SNX32: variants seen among roughly 807,000 people sequenced by gnomAD.
The protein encoded by SNX32 is sorting nexin 32.
A neutral mutation model predicts 57.0 loss-of-function variants in SNX32; 58 were observed. The observed-to-expected ratio is 1.02, with a 90% CI of 0.82 to 1.27. The LOEUF is 1.27. Ranked by LOEUF, SNX32 falls within the 50% of genes most tolerant of loss-of-function variation. SNX32 has a pLI of 0.00. For synonymous variants in SNX32, 262 were observed against 220.4 expected, an observed-to-expected ratio of 1.19 and a Z score of -1.67; for missense variants, 589 against 541.2, an observed-to-expected ratio of 1.09 and a Z score of -0.88.
chr11:65,838,365 G>T (rs934325040), intron 1 of SNX32, among the ~76,000 whole-genome samples: 2 of 152,048 alleles, frequency 1.3e-5, no homozygotes, highest in Admixed American at 1.3e-4. Flanking sequence ...AGGAGTAATA[G>T]GCAAACCTAC....
At chr11:65,838,943 C>T (rs1256461784) in intron 1 of SNX32, among the ~76,000 whole-genome samples, 1 of 151,752 alleles carries the variant, frequency 6.6e-6, no homozygotes, top group African/African-American at 2.4e-5. Context: ...CATATCGAAA[C>T]TCATAAGATA....
chr11:65,834,516 G>T (rs1858600779), intron 1 of SNX32, among the ~76,000 whole-genome samples: 1 of 149,932 alleles, frequency 6.7e-6, no homozygotes, highest in Non-Finnish European at 1.5e-5. Flanking sequence ...GCATGTCTGT[G>T]TCTGTCTCTG....
chr11:65,846,023 G>C (rs560764001), intron 1 of SNX32, among the ~76,000 whole-genome samples: 1 of 152,108 alleles, frequency 6.6e-6, no homozygotes, highest in South Asian at 2.1e-4. Flanking sequence ...TGTAATCCCA[G>C]TTCTATGGGA....
At chr11:65,849,140 A>G (rs1381122082) in intron 1 of SNX32, among the ~76,000 whole-genome samples, 3 of 152,088 alleles carry the variant, frequency 2.0e-5, no homozygotes, top group Non-Finnish European at 4.4e-5. Context: ...GACTCCGTCT[A>G]AAAAAACAAA....
intron 1 of SNX32, among the ~76,000 whole-genome samples, chr11:65,843,600 A>C (rs957777087): frequency 2.6e-5 from 4 of 152,220 alleles, no homozygotes; most frequent in African/African-American, 9.6e-5. Context: ...AAAATGGATT[A>C]TAGATACAAC....
chr11:65,845,923 G>C (rs992624413), intron 1 of SNX32, among the ~76,000 whole-genome samples: 4 of 152,116 alleles, frequency 2.6e-5, no homozygotes, highest in Non-Finnish European at 4.4e-5. Context: ...TAAAGAACAG[G>C]GGCACAAAAG....
chr11:65,853,333 T>A lies in SNX32; in HGVS notation c.1210T>A (p.Ter404LysextTer9). The A allele has an allele frequency of 6.2e-7, 1 of 1,613,992 alleles. No individual in the cohort carries two copies. The highest frequency in any genetic ancestry group is 8.5e-7 in the Non-Finnish European group (1 of 1,179,960). The change falls in exon 13 of 13, where the codon TAG (stop) becomes AAG (lysine). Residue 404 changes from the stop codon to lysine (K), a stop_lost. Coordinates refer to ENST00000308342, the MANE Select transcript of SNX32 (RefSeq NM_152760.3). ...NTLVALKGEP[*>K] The stretch of plus-strand genomic sequence containing the variant: ...CCTTGTTGCCCTAAAGGGGGAGCCT[T>A]AGAGTAGCCAGAGCTCAGCCAGACC...
chr11:65,840,378 C>T (rs1858808900), intron 1 of SNX32, among the ~76,000 whole-genome samples: 1 of 152,090 alleles, frequency 6.6e-6, no homozygotes, highest in Non-Finnish European at 1.5e-5. Context: ...GTCATCATAT[C>T]ATCACTTCCA....
In SNX32 at chr11:65,851,362, G is replaced by A. The variant is rs752878101; in HGVS notation, c.744G>A (p.Ala248=). ...LADDYIPISA[A]LSSLGTQEVN... is the part of the protein sequence containing the mutation. ...ACGATTATATCCCTATCTCAGCTGC[G>A]CTGAGCAGTCTGGGAACACAGGAAG... is the stretch of plus-strand genomic sequence containing the variant. Residue 248 remains alanine, a synonymous_variant, in exon 8 of 13, where the codon GCG becomes GCA. Coordinates refer to ENST00000308342, the MANE Select transcript of SNX32 (RefSeq NM_152760.3). 19 of 1,614,030 alleles carry A rather than the reference G, an allele frequency of 1.2e-5. No individual in the cohort carries two copies. The highest frequency in any genetic ancestry group is 1.6e-4 in the Middle Eastern group (1 of 6,084).
intron 1 of SNX32, among the ~76,000 whole-genome samples, chr11:65,843,751 T>C (rs1056290338): frequency 1.1e-4 from 17 of 152,138 alleles, no homozygotes; most frequent in East Asian, 7.7e-4. Flanking sequence ...CTTGTAACAT[T>C]TGAACCATTA....
chr11:65,840,450 T>G (rs1231704711), intron 1 of SNX32, among the ~76,000 whole-genome samples: 1 of 151,872 alleles, frequency 6.6e-6, no homozygotes, highest in Non-Finnish European at 1.5e-5. Context: ...GGTATAAAGG[T>G]TGGAAAGGAA....
chr11:65,845,437 C>CAA (rs759775048), intron 1 of SNX32, among the ~76,000 whole-genome samples: 66 of 121,494 alleles, frequency 5.4e-4, no homozygotes, highest in African/African-American at 1.7e-3. Context: ...GACTCCATCT[C>CAA]AAAAAAAAAA....
intron 1 of SNX32, among the ~76,000 whole-genome samples, chr11:65,844,180 G>A (rs1858923639): frequency 6.6e-6 from 1 of 152,012 alleles, no homozygotes; most frequent in South Asian, 2.1e-4. Flanking sequence ...TCACCCAAAT[G>A]ATTCTGAAAA....
intron 1 of SNX32, among the ~76,000 whole-genome samples, chr11:65,846,983 CA>C (rs1219212293): frequency 1.3e-4 from 19 of 141,256 alleles, no homozygotes; most frequent in Admixed American, 2.2e-4. Context: ...AACTCCATTT[CA>C]AAAAAAAAAA....
At position 65,852,797 on chromosome 11, in the gene SNX32, C is replaced by T. The variant is rs554513968; in HGVS notation, c.1072+8C>T. 56 of 1,610,334 alleles carry T rather than the reference C, an allele frequency of 3.5e-5. No individual in the cohort carries two copies. The highest frequency in any genetic ancestry group is 1.7e-4 in the Admixed American group (10 of 59,890). ...CCGACTCCGCCAAGCAAGGTGAGCC[C>T]GCAGCCCCCAGCCCCAGCCTGGGGC... On this transcript the variant is annotated splice_region_variant and intron_variant, in intron 11 of 12. Coordinates refer to ENST00000308342, the MANE Select transcript of SNX32 (RefSeq NM_152760.3).
At position 65,852,854 on chromosome 11, in the gene SNX32, C is replaced by G. The variant is rs762920128; in HGVS notation, c.1073-19C>G. 6.2e-7 allele frequency: 1 copy of G among 1,614,056 alleles called. No homozygotes were observed. The highest frequency in any genetic ancestry group is 8.5e-7 in the Non-Finnish European group (1 of 1,179,910). ...CCCTGCCCTGCCCGGATCCCCATGCCTCTTCCCCTCCTCTCCAGAGCTCAT... is the reference window on the plus strand; with the variant it reads ...CCCTGCCCTGCCCGGATCCCCATGCGTCTTCCCCTCCTCTCCAGAGCTCAT... On this transcript the variant is annotated intron_variant, in intron 11 of 12. Coordinates refer to ENST00000308342, the MANE Select transcript of SNX32 (RefSeq NM_152760.3).
chr11:65,848,573 A>C (rs1859065933), intron 1 of SNX32, among the ~76,000 whole-genome samples: 1 of 152,180 alleles, frequency 6.6e-6, no homozygotes, highest in South Asian at 2.1e-4. Context: ...CTGTCTCAAA[A>C]ATAAATAAAT....
chr11:65,834,146 A>G (rs1017902089), intron 1 of SNX32, 45 bp downstream of exon 1: 3 of 1,542,344 alleles, frequency 1.9e-6, no homozygotes, highest in Non-Finnish European at 2.6e-6. Context: ...CCCTCACTCC[A>G]TGAAAGCCCG....
In SNX32 at chr11:65,850,538, T is replaced by C; in HGVS notation, c.482T>C (p.Leu161Ser). Reference sequence around the variant, plus strand: ...CGAGACCACAACTTCTTTGTGTTTTTGGAATATGGACAGGATGTGAGCTGG... The same window carrying C: ...CGAGACCACAACTTCTTTGTGTTTTCGGAATATGGACAGGATGTGAGCTGG... Reference protein sequence around the residue: ...LRRDHNFFVFLEYGQDLSVRG... With the variant: ...LRRDHNFFVFSEYGQDLSVRG... Residue 161 changes from leucine to serine, a missense_variant, in exon 5 of 13, where the codon TTG (leucine) becomes TCG (serine). Leu to Ser is a moderately radical substitution (Grantham distance 145). Coordinates refer to ENST00000308342, the MANE Select transcript of SNX32 (RefSeq NM_152760.3). 1 of 1,610,576 alleles carries C rather than the reference T, an allele frequency of 6.2e-7. No homozygotes were observed. Among genetic ancestry groups the C allele is most frequent in the Non-Finnish European group, 8.5e-7 (1 of 1,178,382 alleles).
Sources: gnomAD v4.1 joint callset for allele counts (sites outside exome capture counted in the v4.1 genomes callset) on GRCh38, gnomAD v4.1.1 for gene constraint, MANE v1.5 for transcripts, NCBI Gene and HGNC (gene_info 2026-07-23, HGNC 2026-07-21) for gene names.